FAM184A: variants seen among roughly 807,000 people sequenced by gnomAD.
FAM184A encodes the protein family with sequence similarity 184 member A, also known as protein FAM184A.
FAM184A carries 99 observed loss-of-function variants against 143.8 expected under a neutral mutation model. The observed-to-expected ratio is 0.69, with a 90% CI of 0.58 to 0.81. The LOEUF is 0.81. Among genes scored for constraint, FAM184A ranks in the 40% least tolerant of loss-of-function variants. The probability of loss-of-function intolerance (pLI) is 0.00; values close to 1 mark genes in which losing one functional copy is unlikely to be tolerated. For missense variants in FAM184A, 1,217 were observed against 1,310.5 expected, an observed-to-expected ratio of 0.93 and a Z score of 1.10; for synonymous variants, 427 against 446.4, an observed-to-expected ratio of 0.96 and a Z score of 0.55.
chr6:119,020,631 T>C (rs1334692734), intron 3 of FAM184A, among the ~76,000 whole-genome samples: 1 of 152,194 alleles, frequency 6.6e-6, no homozygotes, highest in Non-Finnish European at 1.5e-5. Flanking sequence ...AGTTTGTATG[T>C]AGGAAACAAA....
chr6:119,019,036 G>A (rs1334562767), intron 4 of FAM184A, among the ~76,000 whole-genome samples: 2 of 152,152 alleles, frequency 1.3e-5, no homozygotes, highest in African/African-American at 4.8e-5. Flanking sequence ...CTTAAATTCA[G>A]AGAAAATGTC....
At chr6:119,126,811 G>C (rs1789379625) in intron 1 of FAM184A, among the ~76,000 whole-genome samples, 1 of 152,126 alleles carries the variant, frequency 6.6e-6, no homozygotes. Context: ...AGTAAATGTG[G>C]GGGATTTTAT....
intron 9 of FAM184A, among the ~76,000 whole-genome samples, chr6:118,990,378 A>C (rs1784337511): frequency 6.6e-6 from 1 of 152,146 alleles, no homozygotes; most frequent in African/African-American, 2.4e-5. Flanking sequence ...ATCTAAACTC[A>C]TATGGTCACT....
At chr6:118,990,678 C>T (rs1193003604) in intron 9 of FAM184A, among the ~76,000 whole-genome samples, 1 of 148,764 alleles carries the variant, frequency 6.7e-6, no homozygotes, top group East Asian at 2.0e-4. Context: ...CCAGCCTGGC[C>T]AACATGGCGA....
At chr6:119,070,185 G>A (rs938298061) in intron 1 of FAM184A, among the ~76,000 whole-genome samples, 1 of 151,998 alleles carries the variant, frequency 6.6e-6, no homozygotes, top group Admixed American at 6.6e-5. Context: ...GTAAGATACA[G>A]GATAAAAAAT....
At chr6:118,966,325 C>T (rs948326253) in intron 15 of FAM184A, among the ~76,000 whole-genome samples, 2 of 152,128 alleles carry the variant, frequency 1.3e-5, no homozygotes, top group South Asian at 2.1e-4. Context: ...TGTTACTGAC[C>T]GTCCAAGAGA....
At chr6:119,033,545 T>A (rs919970573) in intron 1 of FAM184A, among the ~76,000 whole-genome samples, 2 of 151,570 alleles carry the variant, frequency 1.3e-5, no homozygotes, top group African/African-American at 4.9e-5. Flanking sequence ...GGTGCCTGTA[T>A]TCCCAGCTAC....
chr6:118,963,936 G>A (rs977666489), intron 16 of FAM184A: 1 of 152,058 alleles, frequency 6.6e-6, no homozygotes, highest in Non-Finnish European at 1.5e-5. Context: ...AGGGTACAAA[G>A]ATTTATAAGA....
At chr6:118,997,901 T>C (rs1418790113) in intron 9 of FAM184A, among the ~76,000 whole-genome samples, 5 of 152,166 alleles carry the variant, frequency 3.3e-5, no homozygotes, top group Middle Eastern at 3.2e-3. Flanking sequence ...TTGGATAGCA[T>C]TGGTCTAAAA....
At chr6:119,073,556 G>A (rs557135731) in intron 1 of FAM184A, among the ~76,000 whole-genome samples, 5 of 152,184 alleles carry the variant, frequency 3.3e-5, no homozygotes, top group Non-Finnish European at 7.3e-5. Context: ...CTAGTGAGGT[G>A]GTGCTTCAAG....
At chr6:118,987,899 G>A (rs1207888035) in intron 9 of FAM184A, among the ~76,000 whole-genome samples, 1 of 152,124 alleles carries the variant, frequency 6.6e-6, no homozygotes, top group Admixed American at 6.5e-5. Context: ...GTAGATGTAT[G>A]CATACACAAA....
At chr6:119,019,128 G>C (rs1785361496) in intron 4 of FAM184A, among the ~76,000 whole-genome samples, 1 of 152,152 alleles carries the variant, frequency 6.6e-6, no homozygotes, top group African/African-American at 2.4e-5. Flanking sequence ...CGTAGAATTA[G>C]ATGAAAATAC....
In FAM184A at chr6:119,020,053, C is replaced by T. The variant is rs1785389546; in HGVS notation, c.1257G>A (p.Glu419=). Residue 419 remains glutamate, a synonymous_variant, in exon 4 of 18, where the codon GAG becomes GAA. Transcript: ENST00000338891. ...RVNERLSQLE[E]ERAFLRSKTQ... ...TTTTGCTTCGCAAAAAAGCTCTTTCCTCTTCAAGTTGAGATAATCTCTCAT... is the reference window on the plus strand; with the variant it reads ...TTTTGCTTCGCAAAAAAGCTCTTTCTTCTTCAAGTTGAGATAATCTCTCAT... 4 of 1,607,466 alleles carry T rather than the reference C, an allele frequency of 2.5e-6. No individual in the cohort carries two copies. In the African/African-American group the frequency reaches 4.0e-5, roughly 16 times the overall value.
At chr6:119,003,909 A>G (rs1784844708) in intron 7 of FAM184A, among the ~76,000 whole-genome samples, 2 of 152,226 alleles carry the variant, frequency 1.3e-5, no homozygotes, top group Admixed American at 1.3e-4. Flanking sequence ...TACACTTTCC[A>G]TATATTAGGT....
Position 119,126,610 on chromosome 6 carries a change from G to GAA in FAM184A, c.-202+22466_-202+22467dup, listed in dbSNP as rs553378746. On this transcript the variant is annotated intron_variant, in intron 1 of 16. Transcript: ENST00000352896. Reference sequence around the variant, plus strand: ...TAGAGGGGGAGTACCTGTGACTCCTGAAGCCCCAGAAGGAGTGTTAACAGT... The same window carrying GAA: ...TAGAGGGGGAGTACCTGTGACTCCTGAAAAGCCCCAGAAGGAGTGTTAACAGT... 3.9e-5 allele frequency among the ~76,000 whole-genome samples: 6 copies of GAA among 152,340 alleles called. No individual in the cohort carries two copies. The South Asian group carries it at 1.0e-3, about 26-fold the overall frequency.
intron 9 of FAM184A, among the ~76,000 whole-genome samples, chr6:118,981,068 T>C (rs1338476546): frequency 6.6e-6 from 1 of 152,168 alleles, no homozygotes; most frequent in African/African-American, 2.4e-5. Flanking sequence ...TGTCAGGTGC[T>C]TTTCTTTCAC....
Position 119,039,228 on chromosome 6 carries a change from T to C in FAM184A, c.160-14415A>G, listed in dbSNP as rs1028067849. Among the ~76,000 whole-genome samples, 5 of 152,224 alleles carry C rather than the reference T, an allele frequency of 3.3e-5. No homozygotes were observed. The South Asian group carries it at 8.3e-4, about 25-fold the overall frequency. On this transcript the variant is annotated intron_variant, in intron 1 of 17. Transcript: ENST00000338891. ...AGAATATTGTAGACATTTTGGAAGATAGTTGAGCGGTTTCTTATAAAACTA... is the reference window on the plus strand; with the variant it reads ...AGAATATTGTAGACATTTTGGAAGACAGTTGAGCGGTTTCTTATAAAACTA...
chr6:119,029,440 C>G (rs1785788780), intron 1 of FAM184A, among the ~76,000 whole-genome samples: 2 of 152,050 alleles, frequency 1.3e-5, no homozygotes, highest in South Asian at 4.1e-4. Context: ...CTTCCATGAC[C>G]ACCCAAATCC....
At chr6:118,997,353 C>T (rs1397719676) in intron 9 of FAM184A, among the ~76,000 whole-genome samples, 3 of 144,384 alleles carry the variant, frequency 2.1e-5, no homozygotes, top group Non-Finnish European at 4.5e-5. Context: ...TTAAAAGAGA[C>T]AGAATACATT....
Sources: gnomAD v4.1 joint callset for allele counts (sites outside exome capture counted in the v4.1 genomes callset) on GRCh38, gnomAD v4.1.1 for gene constraint, MANE v1.5 for transcripts, NCBI Gene and HGNC (gene_info 2026-07-23, HGNC 2026-07-21) for gene names.